ACMSD: variants seen among roughly 807,000 people sequenced by gnomAD.
The protein encoded by ACMSD is aminocarboxymuconate semialdehyde decarboxylase, also known as 2-amino-3-carboxymuconate-6-semialdehyde decarboxylase.
A neutral mutation model predicts 45.9 loss-of-function variants in ACMSD; 37 were observed. The ratio of observed to expected loss-of-function variants is 0.81; its 90% confidence interval spans 0.62 to 1.06. The LOEUF is 1.06. Among genes scored for constraint, ACMSD ranks in the 50% least tolerant of loss-of-function variants. ACMSD has a pLI of 0.00. For missense variants in ACMSD, 434 were observed against 420.9 expected (o/e 1.03, Z -0.27); for synonymous variants, 138 against 148.8 (o/e 0.93, Z 0.53).
chr2:134,891,254 T>G (rs1396609856), intron 8 of ACMSD, among the ~76,000 whole-genome samples: 1 of 152,116 alleles, frequency 6.6e-6, no homozygotes, highest in Admixed American at 6.6e-5. Flanking sequence ...CTCCTAGTAT[T>G]TTTATATTTT....
intron 2 of ACMSD, among the ~76,000 whole-genome samples, chr2:134,848,485 G>A (rs1363876245): frequency 1.1e-4 from 17 of 152,168 alleles, no homozygotes; most frequent in Non-Finnish European, 1.5e-5. Context: ...ACTGGCATGA[G>A]ATGGTATCTC....
At chr2:134,844,750 A>G (rs562455099) in intron 1 of ACMSD, among the ~76,000 whole-genome samples, 1 of 152,296 alleles carries the variant, frequency 6.6e-6, no homozygotes, top group African/African-American at 2.4e-5. Flanking sequence ...AAGGGATATG[A>G]GCGGGACACC....
At chr2:134,880,127 C>T (rs1022918036) in intron 8 of ACMSD, among the ~76,000 whole-genome samples, 1 of 152,166 alleles carries the variant, frequency 6.6e-6, no homozygotes, top group Non-Finnish European at 1.5e-5. Flanking sequence ...GCTTGGAAGT[C>T]GTTTCTTTCC....
chr2:134,856,473 T>C (rs1041189619), intron 2 of ACMSD, among the ~76,000 whole-genome samples: 38 of 152,200 alleles, frequency 2.5e-4, no homozygotes, highest in African/African-American at 8.0e-4. Flanking sequence ...AATAAGAGCA[T>C]ACAAGGGTTC....
intron 8 of ACMSD, among the ~76,000 whole-genome samples, chr2:134,885,260 T>C (rs1278811867): frequency 1.4e-4 from 14 of 97,952 alleles, no homozygotes; most frequent in South Asian, 9.0e-4. Context: ...ATATATAATA[T>C]ATATATAAAT....
chr2:134,891,915 A>G (rs952254463), intron 8 of ACMSD, among the ~76,000 whole-genome samples: 4 of 152,226 alleles, frequency 2.6e-5, no homozygotes, highest in Non-Finnish European at 4.4e-5. Context: ...GTATGAAATC[A>G]TGTCTTTTGT....
chr2:134,877,876 T>C (rs934728336), intron 8 of ACMSD, among the ~76,000 whole-genome samples: 2 of 152,140 alleles, frequency 1.3e-5, no homozygotes, highest in Non-Finnish European at 2.9e-5. Flanking sequence ...GATCCCACCT[T>C]TTGAAGGGAG....
chr2:134,901,333 A>G lies in ACMSD; in HGVS notation c.949-465A>G, dbSNP rs1690488027. Among the ~76,000 whole-genome samples, 3 of 152,304 alleles carry G rather than the reference A, an allele frequency of 2.0e-5. No homozygotes were observed. The South Asian group carries it at 6.2e-4, about 32-fold the overall frequency. On this transcript the variant is annotated intron_variant, in intron 9 of 9. Coordinates refer to ENST00000356140, the MANE Select transcript of ACMSD (RefSeq NM_138326.3). Reference sequence around the variant, plus strand: ...TACCCTCATCTGAGACCCTTCATTTATATCACTTCTCTTGCTCTGAAAAAG... The same window carrying G: ...TACCCTCATCTGAGACCCTTCATTTGTATCACTTCTCTTGCTCTGAAAAAG...
chr2:134,854,812 T>A (rs1253184589), intron 2 of ACMSD, among the ~76,000 whole-genome samples: 1 of 91,988 alleles, frequency 1.1e-5, no homozygotes, highest in Non-Finnish European at 2.3e-5. Flanking sequence ...ATGATCCACA[T>A]TTTACAGACA....
intron 6 of ACMSD, among the ~76,000 whole-genome samples, chr2:134,870,656 A>G (rs1351911698): frequency 2.6e-5 from 4 of 152,182 alleles, no homozygotes; most frequent in Admixed American, 2.6e-4. Flanking sequence ...GCTAGGGTCC[A>G]GCTTGGACTT....
intron 8 of ACMSD, among the ~76,000 whole-genome samples, chr2:134,889,019 T>C (rs1257764567): frequency 6.6e-6 from 1 of 152,212 alleles, no homozygotes; most frequent in South Asian, 2.1e-4. Context: ...AAAAAAGACA[T>C]TGAATGCTAG....
In ACMSD at chr2:134,867,654, T is replaced by C. The variant is rs1688169477; in HGVS notation, c.562T>C (p.Trp188Arg). The C allele has an allele frequency of 1.9e-6, 3 of 1,613,460 alleles. No individual in the cohort carries two copies. The highest frequency in any genetic ancestry group is 2.7e-5 in the African/African-American group (2 of 74,930). Residue 188 changes from tryptophan to arginine, a missense_variant, in exon 6 of 10, where the codon TGG becomes CGG. Physicochemically the swap from Trp to Arg is moderately radical, Grantham distance 101. Coordinates refer to ENST00000356140, the MANE Select transcript of ACMSD (RefSeq NM_138326.3). ...MQMDGRMAKY[W>R]LPWLVGMPAE... ...GATGGATGGACGAATGGCCAAATAC[T>C]GGCTCCCTTGGCTTGTAGGTTTGTG...
intron 8 of ACMSD, among the ~76,000 whole-genome samples, chr2:134,892,191 A>G (rs1275689523): frequency 6.6e-6 from 1 of 151,296 alleles, no homozygotes. Flanking sequence ...CAATATCTCC[A>G]TATAACAAAA....
chr2:134,852,226 G>C (rs527616388), intron 2 of ACMSD, among the ~76,000 whole-genome samples: 1 of 152,178 alleles, frequency 6.6e-6, no homozygotes, highest in African/African-American at 2.4e-5. Flanking sequence ...TCAGGGAAAC[G>C]GGAATCCATT....
chr2:134,872,461 A>C lies in ACMSD; in HGVS notation c.677-8A>C, dbSNP rs544025553. ...CACTAGCCCCTCAGTAATGGGTTTT[A>C]CTTGCAGGTGGTGCCTTCCCCTTCA... On this transcript the variant is annotated splice_region_variant and splice_polypyrimidine_tract_variant and intron_variant, in intron 7 of 9. Transcript: ENST00000356140. 33 of 1,614,112 alleles carry C rather than the reference A, an allele frequency of 2.0e-5. No individual in the cohort carries two copies. The East Asian group carries it at 6.9e-4, about 34-fold the overall frequency.
chr2:134,847,447 G>C (rs915096836), intron 2 of ACMSD, among the ~76,000 whole-genome samples: 1 of 141,016 alleles, frequency 7.1e-6, no homozygotes, highest in African/African-American at 2.6e-5. Flanking sequence ...TAGATAGATA[G>C]ATATAGATAG....
At chr2:134,881,318 T>C (rs954813819) in intron 8 of ACMSD, among the ~76,000 whole-genome samples, 8 of 152,218 alleles carry the variant, frequency 5.3e-5, no homozygotes, top group African/African-American at 1.9e-4. Flanking sequence ...TTATTTTTAA[T>C]GGAGAATCTC....
chr2:134,866,020 C>A (rs976146384), intron 5 of ACMSD, among the ~76,000 whole-genome samples: 3 of 152,160 alleles, frequency 2.0e-5, no homozygotes, highest in African/African-American at 7.2e-5. Context: ...AATAAGTTCT[C>A]AGTCAATGTT....
intron 5 of ACMSD, among the ~76,000 whole-genome samples, chr2:134,864,475 T>C (rs142209330): frequency 1.3e-5 from 2 of 152,184 alleles, no homozygotes; most frequent in Non-Finnish European, 2.9e-5. Context: ...TTAATGAACC[T>C]GAAATTCTGT....
Sources: allele counts gnomAD v4.1 joint callset (sites outside exome capture counted in the v4.1 genomes callset), GRCh38; gene constraint gnomAD v4.1.1; transcripts MANE v1.5; gene names NCBI Gene and HGNC (gene_info 2026-07-23, HGNC 2026-07-21).